The following NBEAL1 variants were observed in gnomAD, a reference collection of about 807,000 sequenced individuals.
NBEAL1 encodes the protein neurobeachin like 1.
NBEAL1 carries 273 observed loss-of-function variants against 351.3 expected under a neutral mutation model. The observed-to-expected ratio is 0.78, with a 90% CI of 0.70 to 0.86. The LOEUF is 0.86. Ranked by LOEUF, NBEAL1 falls within the 40% of genes least tolerant of loss-of-function variation. The probability of loss-of-function intolerance (pLI) is 0.00; values close to 1 mark genes in which losing one functional copy is unlikely to be tolerated. For missense variants in NBEAL1, 2,961 were observed against 3,201.3 expected (o/e 0.92, Z 1.81); for synonymous variants, 1,050 against 1,086.4 (o/e 0.97, Z 0.66).
intron 42 of NBEAL1, among the ~76,000 whole-genome samples, chr2:203,179,998 T>C (rs2106437314): frequency 6.6e-6 from 1 of 152,274 alleles, no homozygotes. Flanking sequence ...GGTCTTGAAC[T>C]CCTGACCTGA....
At chr2:203,017,992 A>G (rs1268817513) in intron 2 of NBEAL1, among the ~76,000 whole-genome samples, 1 of 152,018 alleles carries the variant, frequency 6.6e-6, no homozygotes, top group East Asian at 1.9e-4. Context: ...AAATTTTTTC[A>G]CTTGTTTTCA....
At chr2:203,087,080 C>CT (rs1436452682) in intron 10 of NBEAL1, among the ~76,000 whole-genome samples, 1 of 148,204 alleles carries the variant, frequency 6.7e-6, no homozygotes, top group Non-Finnish European at 1.5e-5. Context: ...TTGTTTTCTC[C>CT]TTTTTCACTC....
At chr2:203,067,962 G>A (rs1286350827) in intron 6 of NBEAL1, among the ~76,000 whole-genome samples, 1 of 152,174 alleles carries the variant, frequency 6.6e-6, no homozygotes, top group African/African-American at 2.4e-5. Flanking sequence ...CAAGATGAAA[G>A]AAGCTAATGT....
At chr2:203,104,863 C>A (rs1420810884) in intron 12 of NBEAL1, among the ~76,000 whole-genome samples, 2 of 150,718 alleles carry the variant, frequency 1.3e-5, no homozygotes, top group African/African-American at 4.9e-5. Context: ...TTTTTTCTTT[C>A]TTTCTTTTTT....
At chr2:203,021,151 C>T (rs1335606850) in intron 2 of NBEAL1, among the ~76,000 whole-genome samples, 1 of 152,096 alleles carries the variant, frequency 6.6e-6, no homozygotes, top group Non-Finnish European at 1.5e-5. Flanking sequence ...TGGTCTTGAA[C>T]TCCTGTTTTT....
chr2:203,209,748 T>TG (rs1553507773), intron 53 of NBEAL1, among the ~76,000 whole-genome samples: 30 of 151,730 alleles, frequency 2.0e-4, no homozygotes, highest in African/African-American at 5.8e-4. Context: ...TGTGTGTGTA[T>TG]TTTTTTCTGA....
chr2:203,054,116 A>C (rs62182172), intron 4 of NBEAL1, among the ~76,000 whole-genome samples: 2 of 151,900 alleles, frequency 1.3e-5, no homozygotes, highest in African/African-American at 4.8e-5. Flanking sequence ...TGCCTGGCCA[A>C]TTGTTTTAAA....
At chr2:203,060,044 A>G (rs1365303448) in intron 6 of NBEAL1, among the ~76,000 whole-genome samples, 3 of 152,194 alleles carry the variant, frequency 2.0e-5, no homozygotes, top group Admixed American at 6.5e-5. Context: ...CTTGTCAGCA[A>G]TGGCAAATCT....
At chr2:203,080,583 C>T (rs2061855188) in intron 8 of NBEAL1, among the ~76,000 whole-genome samples, 1 of 151,998 alleles carries the variant, frequency 6.6e-6, no homozygotes, top group African/African-American at 2.4e-5. Flanking sequence ...TTGTTAGCCT[C>T]CAGAGCACTA....
chr2:203,057,290 G>A (rs2106094717), intron 5 of NBEAL1, 36 bp from the exon 6 acceptor site: 2 of 1,518,610 alleles, frequency 1.3e-6, no homozygotes, highest in Non-Finnish European at 1.8e-6. Flanking sequence ...TGATAAGTAA[G>A]GCATGTCTTT....
At chr2:203,198,242 A>C (rs753588363) in intron 48 of NBEAL1, among the ~76,000 whole-genome samples, 20 of 151,350 alleles carry the variant, frequency 1.3e-4, no homozygotes, top group Non-Finnish European at 2.5e-4. Context: ...CAAACTCCTG[A>C]GCTCAAGTGA....
At chr2:203,173,369 A>G (rs1032765341) in intron 41 of NBEAL1, among the ~76,000 whole-genome samples, 11 of 152,100 alleles carry the variant, frequency 7.2e-5, no homozygotes, top group Admixed American at 6.6e-4. Context: ...CTCACAATTA[A>G]TTTTTTCAAG....
chr2:203,051,258 AT>A (rs1678268758), intron 4 of NBEAL1, among the ~76,000 whole-genome samples: 1 of 152,184 alleles, frequency 6.6e-6, no homozygotes, highest in Non-Finnish European at 1.5e-5. Context: ...GGGTTGAAGT[AT>A]GCAGCCAGGT....
chr2:203,193,076 A>T (rs1282742150), intron 46 of NBEAL1, among the ~76,000 whole-genome samples: 1 of 142,360 alleles, frequency 7.0e-6, no homozygotes, highest in Non-Finnish European at 1.5e-5. Flanking sequence ...GGTTCAAGCG[A>T]TTCTCCTACC....
intron 44 of NBEAL1, among the ~76,000 whole-genome samples, chr2:203,184,136 C>G (rs1225465397): frequency 6.8e-6 from 1 of 147,922 alleles, no homozygotes; most frequent in East Asian, 2.1e-4. Context: ...CCCTAAATGC[C>G]ACTTGAAAAA....
chr2:203,203,981 T>A (rs2065475224), intron 51 of NBEAL1, among the ~76,000 whole-genome samples: 2 of 151,590 alleles, frequency 1.3e-5, no homozygotes, highest in South Asian at 4.2e-4. Flanking sequence ...CCAGCTAGAG[T>A]GCAGTGGCGC....
chr2:203,169,828 T>C lies in NBEAL1; in HGVS notation c.6079T>C (p.Phe2027Leu), dbSNP rs2064263783. 1.9e-6 allele frequency: 3 copies of C among 1,606,296 alleles called. No homozygotes were observed. The highest frequency in any genetic ancestry group is 2.6e-6 in the Non-Finnish European group (3 of 1,175,374). ...TGGAAGCAGATCACCACAGGAGTTA[T>C]TCAAAGCATCAGGATTGACACAGGT... Reference protein sequence around the residue: ...YYGSRSPQELFKASGLTQKWV... With the variant: ...YYGSRSPQELLKASGLTQKWV... Residue 2027 changes from phenylalanine to leucine, a missense_variant, in exon 39 of 56, where the codon TTC (phenylalanine) becomes CTC (leucine). Phe to Leu is a conservative substitution (Grantham distance 22). Coordinates refer to ENST00000683969, the MANE Select transcript of NBEAL1 (RefSeq NM_001378026.1).
intron 55 of NBEAL1, among the ~76,000 whole-genome samples, chr2:203,214,518 T>TA (rs1308004070): frequency 2.6e-5 from 4 of 152,244 alleles, no homozygotes; most frequent in African/African-American, 9.6e-5. Context: ...CTCACGCCTG[T>TA]AATCCCTGCA....
intron 42 of NBEAL1, among the ~76,000 whole-genome samples, chr2:203,175,640 G>A (rs1575086189): frequency 6.6e-6 from 1 of 152,144 alleles, no homozygotes; most frequent in East Asian, 1.9e-4. Flanking sequence ...GTATCATGAG[G>A]AATGGAAGGA....
Sources: gnomAD v4.1 joint callset for allele counts (sites outside exome capture counted in the v4.1 genomes callset) on GRCh38, gnomAD v4.1.1 for gene constraint, MANE v1.5 for transcripts, NCBI Gene and HGNC (gene_info 2026-07-23, HGNC 2026-07-21) for gene names.